Variants in NOL4 observed in about 807,000 individuals in gnomAD.
NOL4 encodes nucleolar protein 4.
Under a neutral mutation model 75.9 loss-of-function variants are expected in NOL4, and 17 were observed. The observed-to-expected ratio is 0.22, with a 90% CI of 0.15 to 0.34. NOL4 has a LOEUF of 0.34. Ranked by LOEUF, NOL4 falls within the 10% of genes least tolerant of loss-of-function variation. The pLI, the probability that NOL4 is intolerant of heterozygous loss-of-function variation, is 1.00. For missense variants in NOL4, 614 were observed against 793.5 expected (o/e 0.77, Z 2.72); for synonymous variants, 292 against 289.9 (o/e 1.01, Z -0.07).
intron 6 of NOL4, among the ~76,000 whole-genome samples, chr18:33,997,445 C>T (rs2073376961): frequency 6.6e-6 from 1 of 151,504 alleles, no homozygotes; most frequent in Admixed American, 6.6e-5. Flanking sequence ...TGTTTTTGTA[C>T]CAATACCATG....
chr18:34,111,687 G>A (rs907745291), intron 2 of NOL4, among the ~76,000 whole-genome samples: 1 of 152,082 alleles, frequency 6.6e-6, no homozygotes, highest in Non-Finnish European at 1.5e-5. Flanking sequence ...ACATGAATCG[G>A]CATTTCCCTA....
At chr18:33,969,890 T>C (rs978762276) in intron 6 of NOL4, among the ~76,000 whole-genome samples, 14 of 152,192 alleles carry the variant, frequency 9.2e-5, no homozygotes, top group African/African-American at 2.7e-4. Context: ...AAACCTCAGC[T>C]ACATTTTTTA....
At chr18:34,112,721 G>A (rs1241414096) in intron 2 of NOL4, among the ~76,000 whole-genome samples, 1 of 152,128 alleles carries the variant, frequency 6.6e-6, no homozygotes, top group East Asian at 1.9e-4. Context: ...AAAATGAGGA[G>A]ATATTGGTCA....
At chr18:34,033,855 G>T (rs2075758787) in intron 5 of NOL4, among the ~76,000 whole-genome samples, 1 of 151,882 alleles carries the variant, frequency 6.6e-6, no homozygotes, top group Non-Finnish European at 1.5e-5. Flanking sequence ...ATTCTCAGCA[G>T]AAATCTTATG....
At chr18:34,104,394 C>A (rs2079174929) in intron 3 of NOL4, among the ~76,000 whole-genome samples, 1 of 151,860 alleles carries the variant, frequency 6.6e-6, no homozygotes, top group African/African-American at 2.4e-5. Context: ...TTTTAAACAT[C>A]CTGAATAACA....
chr18:34,039,758 AC>A (rs2076060997), intron 5 of NOL4, among the ~76,000 whole-genome samples: 2 of 152,052 alleles, frequency 1.3e-5, no homozygotes, highest in African/African-American at 4.8e-5. Context: ...AAAAACATAT[AC>A]AGACGGTTCC....
chr18:33,908,657 A>C lies in NOL4; in HGVS notation c.1543-25233T>G, dbSNP rs181211166. On this transcript the variant is annotated intron_variant, in intron 9 of 10. Coordinates refer to ENST00000261592, the MANE Select transcript of NOL4 (RefSeq NM_003787.5). ...GTATTTCAAGCATATCAATTATGAA[A>C]TAGTCAAACTAAGGTAATTAGATAA... Among the ~76,000 whole-genome samples the C allele has an allele frequency of 1.8e-3, 277 of 152,310 alleles. 1 individual carries two copies. Among genetic ancestry groups the C allele is most frequent in the African/African-American group, 5.8e-3 (241 of 41,582 alleles).
At chr18:33,914,062 T>C (rs1483759224) in intron 9 of NOL4, among the ~76,000 whole-genome samples, 1 of 152,062 alleles carries the variant, frequency 6.6e-6, no homozygotes, top group Non-Finnish European at 1.5e-5. Context: ...ATTTACAAAG[T>C]AAATATTTAA....
intron 4 of NOL4, among the ~76,000 whole-genome samples, chr18:34,098,575 G>A (rs1202666469): frequency 1.3e-5 from 2 of 152,110 alleles, no homozygotes; most frequent in African/African-American, 2.4e-5. Context: ...ATAGAATAAT[G>A]AGTATTAATA....
At chr18:34,102,485 T>C (rs1312178705) in intron 4 of NOL4, among the ~76,000 whole-genome samples, 2 of 152,114 alleles carry the variant, frequency 1.3e-5, no homozygotes, top group African/African-American at 4.8e-5. Flanking sequence ...ACTAGTCATT[T>C]ATCTAAATAT....
intron 2 of NOL4, among the ~76,000 whole-genome samples, chr18:34,126,210 T>G (rs184969779): frequency 5.5e-4 from 84 of 152,298 alleles, no homozygotes; most frequent in Non-Finnish European, 1.1e-3. Context: ...AACTCATTCA[T>G]TTTAGCACAC....
chr18:33,978,126 G>T (rs535832369), intron 6 of NOL4, among the ~76,000 whole-genome samples: 8 of 152,146 alleles, frequency 5.3e-5, no homozygotes, highest in Non-Finnish European at 1.2e-4. Flanking sequence ...TTGGTGACCA[G>T]TTGGCCGCTA....
At chr18:34,028,504 C>T (rs929796718) in intron 5 of NOL4, among the ~76,000 whole-genome samples, 2 of 152,236 alleles carry the variant, frequency 1.3e-5, no homozygotes, top group African/African-American at 4.8e-5. Flanking sequence ...ACACAACTAG[C>T]CCAGGCTGAA....
In NOL4 at chr18:33,977,615, A is replaced by T. The variant is rs1041610311; in HGVS notation, c.1057-19197T>A. 3.3e-5 allele frequency among the ~76,000 whole-genome samples: 5 copies of T among 152,288 alleles called. No individual in the cohort carries two copies. The South Asian group carries it at 6.2e-4, about 19-fold the overall frequency. On this transcript the variant is annotated intron_variant, in intron 6 of 10. Coordinates refer to ENST00000261592, the MANE Select transcript of NOL4 (RefSeq NM_003787.5). ...CACAGCAGTATGAAAATGAACTCAT[A>T]CATCTAGCTTCAATGCCTACCCATC...
intron 1 of NOL4, 91 bp downstream of exon 1, chr18:34,222,899 C>T (rs1191710357): frequency 1.2e-5 from 18 of 1,523,058 alleles, no homozygotes; most frequent in African/African-American, 4.1e-5. Context: ...AACGGCGGCT[C>T]ACGGCTCCCC....
chr18:33,868,264 G>A (rs1037946261), intron 10 of NOL4, among the ~76,000 whole-genome samples: 4 of 150,912 alleles, frequency 2.7e-5, no homozygotes, highest in Non-Finnish European at 4.4e-5. Context: ...GGCTGGTCTC[G>A]AACATCTGGG....
intron 10 of NOL4, among the ~76,000 whole-genome samples, chr18:33,862,798 T>C (rs1016779559): frequency 1.1e-4 from 16 of 152,240 alleles, no homozygotes; most frequent in African/African-American, 2.9e-4. Context: ...TGTGGAGAAA[T>C]AGGAACACTT....
At chr18:34,068,688 C>T (rs1419821696) in intron 5 of NOL4, among the ~76,000 whole-genome samples, 3 of 152,140 alleles carry the variant, frequency 2.0e-5, no homozygotes, top group Non-Finnish European at 4.4e-5. Flanking sequence ...TAAGCCACCG[C>T]GCCTGGCAGA....
intron 5 of NOL4, among the ~76,000 whole-genome samples, chr18:34,056,657 T>C (rs1201539532): frequency 6.6e-6 from 1 of 152,180 alleles, no homozygotes; most frequent in African/African-American, 2.4e-5. Context: ...AGAGCCCTTG[T>C]ATGGAATGTT....
Sources: gnomAD v4.1 joint callset for allele counts (sites outside exome capture counted in the v4.1 genomes callset) on GRCh38, gnomAD v4.1.1 for gene constraint, MANE v1.5 for transcripts, NCBI Gene and HGNC (gene_info 2026-07-23, HGNC 2026-07-21) for gene names.